The following PCNX4 variants were observed in gnomAD, a reference collection of about 807,000 sequenced individuals.
PCNX4 encodes the protein pecanex 4, also known as pecanex-like protein 4.
In PCNX4, 103 loss-of-function variants were observed where a neutral mutation model predicts 107.2. That is an observed-to-expected ratio of 0.96 (90% CI 0.82 to 1.13). The LOEUF (loss-of-function observed/expected upper bound fraction) is 1.13, where lower values mean the gene tolerates loss of function less well. PCNX4 is among the 50% of genes most tolerant of loss of function. PCNX4 has a pLI of 0.00. For missense variants in PCNX4, 1,528 were observed against 1,379.4 expected, an observed-to-expected ratio of 1.11 and a Z score of -1.71; for synonymous variants, 541 against 481.7, an observed-to-expected ratio of 1.12 and a Z score of -1.61.
intron 1 of PCNX4, among the ~76,000 whole-genome samples, chr14:60,103,461 C>G (rs1895571336): frequency 6.6e-6 from 1 of 152,126 alleles, no homozygotes; most frequent in Non-Finnish European, 1.5e-5. Flanking sequence ...GACCACAGAC[C>G]CCTTTTCAAG....
chr14:60,104,103 G>T (rs1017468931), intron 1 of PCNX4, among the ~76,000 whole-genome samples: 1 of 152,082 alleles, frequency 6.6e-6, no homozygotes, highest in African/African-American at 2.4e-5. Context: ...GGCAGATCAT[G>T]AGGTCAGGAG....
In PCNX4 at chr14:60,115,296, T is replaced by C. The variant is rs745697826; in HGVS notation, c.1192T>C (p.Leu398=). ...TATTGTGGGCTATGGTTTGATGATA[T>C]TACTTATAATACTGTGGATACTTAG... ...QAIVGYGLMI[L]LIILWILREI... The change falls in exon 4 of 11, where the codon TTA becomes CTA. Residue 398 remains leucine (L), a synonymous_variant. Transcript: ENST00000406854. 3.1e-6 allele frequency: 5 copies of C among 1,609,132 alleles called. No individual in the cohort carries two copies. The highest frequency in any genetic ancestry group is 4.5e-5 in the East Asian group (2 of 44,844).
At position 60,147,246 on chromosome 14, in the gene PCNX4, A is replaced by G. The variant is rs1426876829; in HGVS notation, c.*13025A>G. ...CGAGACCCTGTCTCAAAGAAAAAAA[A>G]TGGTAGATATTTTCAGTTATAAGAT... On this transcript the variant is annotated 3_prime_UTR_variant, in exon 11 of 11. Transcript: ENST00000406854. The G allele has an allele frequency of 6.6e-6, 1 of 152,160 alleles. No individual in the cohort carries two copies. The highest frequency in any genetic ancestry group is 1.5e-5 in the Non-Finnish European group (1 of 68,034). 9.4% of individuals were successfully genotyped at this position (152,160 alleles called of 1,614,324 possible). A position where few individuals can be genotyped will look rare whatever the true frequency, so the allele number is the denominator to read the frequency against.
At chr14:60,094,932 A>T (rs1019912787) in intron 1 of PCNX4, among the ~76,000 whole-genome samples, 1 of 152,142 alleles carries the variant, frequency 6.6e-6, no homozygotes, top group African/African-American at 2.4e-5. Flanking sequence ...AAATTAATTT[A>T]TTTCTAGTAA....
At chr14:60,123,419 C>T (rs963768391) in intron 8 of PCNX4, among the ~76,000 whole-genome samples, 3 of 152,168 alleles carry the variant, frequency 2.0e-5, no homozygotes, top group Admixed American at 6.5e-5. Flanking sequence ...GTGACCTGCT[C>T]AAGTTCTTGC....
At chr14:60,120,874 T>A (rs994663536) in intron 7 of PCNX4, among the ~76,000 whole-genome samples, 4 of 152,206 alleles carry the variant, frequency 2.6e-5, no homozygotes, top group African/African-American at 2.4e-5. Context: ...AAGCTGCCTT[T>A]TATAAACTCA....
chr14:60,096,180 A>G (rs1895421210), intron 1 of PCNX4, among the ~76,000 whole-genome samples: 1 of 152,204 alleles, frequency 6.6e-6, no homozygotes, highest in African/African-American at 2.4e-5. Flanking sequence ...AAGTCAGATT[A>G]TGTTCTTCAA....
intron 2 of PCNX4, chr14:60,109,368 C>T (rs1213923105): frequency 6.0e-6 from 1 of 167,094 alleles, no homozygotes; most frequent in Non-Finnish European, 1.5e-5. Flanking sequence ...GTACCAAATA[C>T]CTAAAAATGT....
At chr14:60,098,129 G>A (rs1278057172) in intron 1 of PCNX4, among the ~76,000 whole-genome samples, 2 of 151,966 alleles carry the variant, frequency 1.3e-5, no homozygotes, top group Non-Finnish European at 2.9e-5. Flanking sequence ...AGAAACATTC[G>A]AAACCCCTCC....
intron 1 of PCNX4, among the ~76,000 whole-genome samples, chr14:60,097,091 T>C (rs1448035755): frequency 1.3e-5 from 2 of 152,216 alleles, no homozygotes; most frequent in African/African-American, 2.4e-5. Flanking sequence ...CTAAAATAAG[T>C]TGTGCTTCCT....
chr14:60,108,452 A>T, intron 2 of PCNX4, 125 bp downstream of exon 2: 1 of 667,424 alleles, frequency 1.5e-6, no homozygotes, highest in East Asian at 2.7e-5. Flanking sequence ...ATTGGGTGAC[A>T]GGTTATTTTG....
chr14:60,107,392 A>G (rs1895648176), intron 1 of PCNX4, among the ~76,000 whole-genome samples, 194 bp from the exon 2 acceptor site: 1 of 152,134 alleles, frequency 6.6e-6, no homozygotes, highest in Non-Finnish European at 1.5e-5. Flanking sequence ...AAATAAAATA[A>G]CTGAGCATAT....
At chr14:60,117,458 A>G (rs1308549370) in intron 6 of PCNX4, among the ~76,000 whole-genome samples, 2 of 152,164 alleles carry the variant, frequency 1.3e-5, no homozygotes, top group Admixed American at 1.3e-4. Context: ...AGGCTATACC[A>G]CCTAGGTTTG....
At chr14:60,122,408 C>G (rs1026443031) in intron 8 of PCNX4, among the ~76,000 whole-genome samples, 5 of 152,070 alleles carry the variant, frequency 3.3e-5, no homozygotes, top group African/African-American at 7.2e-5. Context: ...CCCTCTCACT[C>G]TATTCCAGCC....
chr14:60,120,591 A>T (rs1172596721), intron 7 of PCNX4, among the ~76,000 whole-genome samples: 1 of 152,228 alleles, frequency 6.6e-6, no homozygotes, highest in Non-Finnish European at 1.5e-5. Flanking sequence ...AATAGTGAAA[A>T]GTTGGAAACA....
intron 1 of PCNX4, among the ~76,000 whole-genome samples, chr14:60,094,943 T>C (rs76120854): frequency 0.016 from 2,458 of 152,272 alleles, 83 homozygotes; most frequent in East Asian, 0.15. Context: ...TTTCTAGTAA[T>C]TCATGTGAGT....
At chr14:60,094,551 A>T (rs1895382497) in intron 1 of PCNX4, among the ~76,000 whole-genome samples, 1 of 152,160 alleles carries the variant, frequency 6.6e-6, no homozygotes, top group South Asian at 2.1e-4. Context: ...AACTGAAGGA[A>T]CGTCCCTATC....
Position 60,133,986 on chromosome 14 carries a change from G to T in PCNX4, c.3284G>T (p.Arg1095Ile). ...ACTTTAAAGGGAATTTACACTGGGA[G>T]AGTGCTTAGCCTTCAAGAATTATTG... ...YDSNMGIYTG[R>I]VLSLQELLIQ... is the part of the protein sequence containing the mutation. The change falls in exon 11 of 11, where the codon AGA (arginine) becomes ATA (isoleucine). Residue 1095 changes from arginine (R) to isoleucine (I), a missense_variant. Transcript: ENST00000406854. 6.2e-7 allele frequency: 1 copy of T among 1,612,822 alleles called. No homozygotes were observed. The highest frequency in any genetic ancestry group is 8.5e-7 in the Non-Finnish European group (1 of 1,179,228).
intron 7 of PCNX4, among the ~76,000 whole-genome samples, chr14:60,119,946 G>A (rs1166651129): frequency 2.0e-5 from 3 of 152,152 alleles, no homozygotes; most frequent in African/African-American, 7.2e-5. Context: ...GAGTTAAATG[G>A]TAGTCTGTAA....
Sources: gnomAD v4.1 joint callset for allele counts (sites outside exome capture counted in the v4.1 genomes callset) on GRCh38, gnomAD v4.1.1 for gene constraint, MANE v1.5 for transcripts, NCBI Gene and HGNC (gene_info 2026-07-23, HGNC 2026-07-21) for gene names.